Variants in PAPPA observed in about 807,000 individuals in gnomAD.
The protein encoded by PAPPA is pappalysin 1, also known as pappalysin-1.
PAPPA carries 60 observed loss-of-function variants against 164.0 expected under a neutral mutation model. The observed-to-expected ratio is 0.37, with a 90% CI of 0.30 to 0.45. The LOEUF (loss-of-function observed/expected upper bound fraction) is 0.45, where lower values mean the gene tolerates loss of function less well. PAPPA is among the 20% of genes least tolerant of loss of function. The probability of loss-of-function intolerance (pLI) is 1.00; values close to 1 mark genes in which losing one functional copy is unlikely to be tolerated. For missense variants in PAPPA, 1,782 were observed against 2,087.3 expected (o/e 0.85, Z 2.85); for synonymous variants, 875 against 814.1 (o/e 1.07, Z -1.27).
chr9:116,302,787 G>A lies in PAPPA; in HGVS notation c.2984G>A (p.Gly995Asp), dbSNP rs1387350012. 4 of 1,613,458 alleles carry A rather than the reference G, an allele frequency of 2.5e-6. No homozygotes were observed. The South Asian group carries it at 4.4e-5, about 18-fold the overall frequency. Residue 995 changes from glycine to aspartate, a missense_variant, in exon 10 of 22, where the codon GGT (glycine) becomes GAT (aspartate). Around this residue, in one of 2 missense-constraint regions of PAPPA, gnomAD observed 1,324 missense variants for 1,656.9 expected, o/e 0.80. Transcript: ENST00000328252. ...DEPSRCYFHD[G>D]DGVCEEFEQK... is the part of the protein sequence containing the mutation. ...CCCAGCCGGTGCTATTTCCATGATG[G>A]TGATGGGGTATGTGAGGAGTTTGAA...
chr9:116,386,754 G>A (rs1846819226), intron 21 of PAPPA, among the ~76,000 whole-genome samples: 1 of 152,116 alleles, frequency 6.6e-6, no homozygotes, highest in Non-Finnish European at 1.5e-5. Flanking sequence ...AGACTGCCAG[G>A]GAACTTTGGC....
chr9:116,232,226 A>G (rs1432975165), intron 6 of PAPPA, among the ~76,000 whole-genome samples: 3 of 152,098 alleles, frequency 2.0e-5, no homozygotes, highest in African/African-American at 4.8e-5. Flanking sequence ...TTGCTCTACA[A>G]TTGCACTTGA....
intron 1 of PAPPA, among the ~76,000 whole-genome samples, chr9:116,169,290 T>TC (rs1450389749): frequency 7.0e-6 from 1 of 142,750 alleles, no homozygotes; most frequent in African/African-American, 2.5e-5. Flanking sequence ...TGGCTGTCCT[T>TC]CGGCCTCTCC....
chr9:116,316,613 T>G (rs558551172), intron 10 of PAPPA: 1 of 152,296 alleles, frequency 6.6e-6, no homozygotes, highest in African/African-American at 2.4e-5. Context: ...AGCTCCCCGG[T>G]TTGTACATCA....
rs1845142223 is a variant in PAPPA, at chr9:116,271,934, A to G, written c.2953+518A>G. Among the ~76,000 whole-genome samples the G allele has an allele frequency of 1.3e-5, 2 of 152,180 alleles. No homozygotes were observed. The highest frequency in any genetic ancestry group is 6.5e-5 in the Admixed American group (1 of 15,272). On this transcript the variant is annotated intron_variant, in intron 9 of 21. Transcript: ENST00000328252. This position sits in a 1 kb window ranked among gnomAD's most constrained non-coding sequence, Gnocchi z 4.2. ...TGCAACCTCCAGCCGTGATGCAGGA[A>G]CCACCAAGGTCCCCTCTGCAGACTC...
At chr9:116,209,066 A>G (rs757853883) in intron 3 of PAPPA, among the ~76,000 whole-genome samples, 3 of 152,160 alleles carry the variant, frequency 2.0e-5, no homozygotes, top group Non-Finnish European at 4.4e-5. Flanking sequence ...TACAGACTAA[A>G]AAGTCAATAG....
intron 21 of PAPPA, among the ~76,000 whole-genome samples, chr9:116,384,270 T>TTAATAATAATAATAA (rs3040228): frequency 0.067 from 9,271 of 138,166 alleles, 364 homozygotes; most frequent in East Asian, 0.083. Flanking sequence ...CTACACGTAA[T>TTAATAATAATAATAA]TAATAATAAT....
At chr9:116,237,810 C>T (rs964549020) in intron 7 of PAPPA, among the ~76,000 whole-genome samples, 1 of 152,030 alleles carries the variant, frequency 6.6e-6, no homozygotes, top group South Asian at 2.1e-4. Flanking sequence ...ACCTCCACCC[C>T]CCAGGTATAA....
At chr9:116,183,120 G>A (rs1308153384) in intron 1 of PAPPA, among the ~76,000 whole-genome samples, 1 of 150,774 alleles carries the variant, frequency 6.6e-6, no homozygotes, top group Admixed American at 6.6e-5. Flanking sequence ...TTTTTTTTTT[G>A]TACTATGCCT....
chr9:116,171,696 G>C (rs999728604), intron 1 of PAPPA, among the ~76,000 whole-genome samples: 1 of 152,064 alleles, frequency 6.6e-6, no homozygotes, highest in South Asian at 2.1e-4. Context: ...CCATCCTTCC[G>C]TCTGTCCTCA....
intron 9 of PAPPA, among the ~76,000 whole-genome samples, chr9:116,277,600 T>C (rs1422392594): frequency 6.6e-6 from 1 of 152,184 alleles, no homozygotes; most frequent in Non-Finnish European, 1.5e-5. Context: ...TTTAAAATGG[T>C]GACACCTGCC....
chr9:116,173,898 A>C (rs1228004182), intron 1 of PAPPA, among the ~76,000 whole-genome samples: 1 of 152,164 alleles, frequency 6.6e-6, no homozygotes, highest in Non-Finnish European at 1.5e-5. Context: ...TTATCATTAA[A>C]AGCAGCCCCT....
rs900080566 is a variant in PAPPA, at chr9:116,156,995, C to T, written c.415+2408C>T. ...GGCTTTCTCTGGCTGGGCGTTGCCA[C>T]TTTCCTAGGAATCCCTGGTCACCTA... On this transcript the variant is annotated intron_variant, in intron 1 of 21. Coordinates refer to ENST00000328252, the MANE Select transcript of PAPPA (RefSeq NM_002581.5). Among the ~76,000 whole-genome samples, 11 of 152,340 alleles carry T rather than the reference C, an allele frequency of 7.2e-5. No homozygotes were observed. In the South Asian group the frequency reaches 8.3e-4, roughly 11 times the overall value.
chr9:116,162,163 T>A (rs1843676112), intron 1 of PAPPA, among the ~76,000 whole-genome samples: 1 of 152,156 alleles, frequency 6.6e-6, no homozygotes, highest in South Asian at 2.1e-4. Context: ...AAGGGGCAAG[T>A]GGAGGCTTGC....
intron 10 of PAPPA, among the ~76,000 whole-genome samples, chr9:116,303,532 G>A (rs749875330): frequency 6.6e-6 from 1 of 152,148 alleles, no homozygotes; most frequent in African/African-American, 2.4e-5. Context: ...CAGGGAGTGA[G>A]AGTTTTGGGG....
chr9:116,230,800 T>C (rs1844581886), intron 6 of PAPPA, among the ~76,000 whole-genome samples: 1 of 152,190 alleles, frequency 6.6e-6, no homozygotes, highest in Non-Finnish European at 1.5e-5. Context: ...TTTGACGCCA[T>C]GTTTTATCTG....
chr9:116,262,128 T>C (rs1481213978), intron 7 of PAPPA, among the ~76,000 whole-genome samples: 1 of 151,526 alleles, frequency 6.6e-6, no homozygotes, highest in Admixed American at 6.6e-5. Flanking sequence ...GGTGGGAGGA[T>C]TGGTTGAGCC....
chr9:116,186,017 C>A (rs1303473432), intron 1 of PAPPA, among the ~76,000 whole-genome samples: 1 of 152,160 alleles, frequency 6.6e-6, no homozygotes. Context: ...TCTCCTTTAA[C>A]TTCCATATTC....
At chr9:116,365,190 G>A (rs1846483497) in intron 18 of PAPPA, among the ~76,000 whole-genome samples, 1 of 152,166 alleles carries the variant, frequency 6.6e-6, no homozygotes, top group Non-Finnish European at 1.5e-5. Context: ...GGTGAGATAT[G>A]TGTCGGGCTT....
Sources: allele counts gnomAD v4.1 joint callset (sites outside exome capture counted in the v4.1 genomes callset), GRCh38; gene constraint gnomAD v4.1.1; regional missense constraint gnomAD v4.1.1; non-coding constraint Gnocchi (gnomAD v3.1); transcripts MANE v1.5; gene names NCBI Gene and HGNC (gene_info 2026-07-23, HGNC 2026-07-21).